STPG2: variants seen among roughly 807,000 people sequenced by gnomAD.
The protein encoded by STPG2 is sperm tail PG-rich repeat containing 2, also known as sperm-tail PG-rich repeat-containing protein 2.
Under a neutral mutation model 54.2 loss-of-function variants are expected in STPG2, and 56 were observed. The observed-to-expected ratio is 1.03, with a 90% CI of 0.83 to 1.29. The LOEUF (loss-of-function observed/expected upper bound fraction) is 1.29. STPG2 is among the 50% of genes most tolerant of loss of function. The probability of loss-of-function intolerance (pLI) is 0.00; values close to 1 mark genes in which losing one functional copy is unlikely to be tolerated. For missense variants in STPG2, 596 were observed against 544.9 expected (o/e 1.09, Z -0.93); for synonymous variants, 200 against 181.8 (o/e 1.10, Z -0.81).
chr4:98,100,952 A>G (rs968203256), intron 5 of STPG2, among the ~76,000 whole-genome samples: 6 of 152,250 alleles, frequency 3.9e-5, no homozygotes, highest in African/African-American at 1.4e-4. Context: ...CTGGGATTAC[A>G]GTCGTGAGCC....
chr4:97,842,389 C>T (rs756704910), intron 8 of STPG2, among the ~76,000 whole-genome samples: 3 of 151,810 alleles, frequency 2.0e-5, no homozygotes, highest in Non-Finnish European at 4.4e-5. Context: ...TTTGGGGCTG[C>T]CTCTATGGTA....
At chr4:98,056,310 C>T (rs1737483945) in intron 5 of STPG2, among the ~76,000 whole-genome samples, 1 of 152,146 alleles carries the variant, frequency 6.6e-6, no homozygotes, top group South Asian at 2.1e-4. Flanking sequence ...AACACCACCT[C>T]CAGTGCAACA....
chr4:97,708,169 C>T (rs963679911), intron 10 of STPG2, among the ~76,000 whole-genome samples: 6 of 151,742 alleles, frequency 4.0e-5, no homozygotes, highest in Non-Finnish European at 7.4e-5. Flanking sequence ...GTGAAAGGGA[C>T]AAAAACACAA....
At chr4:97,884,513 G>A (rs190502981) in intron 8 of STPG2, among the ~76,000 whole-genome samples, 2 of 152,250 alleles carry the variant, frequency 1.3e-5, no homozygotes, top group East Asian at 3.9e-4. Context: ...CAAGAAGAGA[G>A]GTCTTAGAAG....
In STPG2 at chr4:97,622,089, G is replaced by A. The variant is rs537093881; in HGVS notation, c.1321-62972C>T. On this transcript the variant is annotated intron_variant, in intron 10 of 10. Transcript: ENST00000295268. The stretch of plus-strand genomic sequence containing the variant: ...ATAGAATTCAATATCGCTTCATATC[G>A]AACATCTCAACAAATTAGGCACTGA... 5.9e-5 allele frequency among the ~76,000 whole-genome samples: 9 copies of A among 151,996 alleles called. No individual in the cohort carries two copies. In the South Asian group the frequency reaches 1.5e-3, roughly 25 times the overall value.
intron 4 of STPG2, among the ~76,000 whole-genome samples, chr4:97,509,975 G>A (rs1730938389): frequency 6.6e-6 from 1 of 151,988 alleles, no homozygotes. Context: ...CCTAATCCGT[G>A]GAAAAATTGT....
chr4:97,778,288 T>C (rs1178834987), intron 9 of STPG2, among the ~76,000 whole-genome samples: 1 of 151,738 alleles, frequency 6.6e-6, no homozygotes, highest in African/African-American at 2.4e-5. Context: ...GCTCGGAGGG[T>C]CCCATGCCTG....
intron 7 of STPG2, among the ~76,000 whole-genome samples, chr4:97,947,809 T>C (rs891166608): frequency 2.4e-4 from 36 of 152,262 alleles, no homozygotes; most frequent in African/African-American, 8.4e-4. Flanking sequence ...AGCTATCTAG[T>C]ATTTTGTTGA....
chr4:97,727,468 C>CA (rs1373865264), intron 9 of STPG2, among the ~76,000 whole-genome samples: 3 of 151,782 alleles, frequency 2.0e-5, no homozygotes, highest in East Asian at 1.9e-4. Context: ...CAGCCATACA[C>CA]AAAAAACAGA....
chr4:97,473,444 T>C (rs1484997451), intron 4 of STPG2, among the ~76,000 whole-genome samples: 1 of 152,128 alleles, frequency 6.6e-6, no homozygotes, highest in African/African-American at 2.4e-5. Context: ...CAGTCTCCCA[T>C]AGCGCTCCCA....
chr4:97,818,528 C>T (rs1727986193), intron 9 of STPG2, among the ~76,000 whole-genome samples: 3 of 151,616 alleles, frequency 2.0e-5, no homozygotes. Flanking sequence ...GTAACTGAGG[C>T]CATAGAAAGT....
intron 5 of STPG2, among the ~76,000 whole-genome samples, chr4:98,076,262 C>CAA (rs1738164925): frequency 6.6e-6 from 1 of 150,534 alleles, no homozygotes; most frequent in Non-Finnish European, 1.5e-5. Context: ...AAAAAAGAAG[C>CAA]AGCAAATGAG....
intron 5 of STPG2, among the ~76,000 whole-genome samples, chr4:98,042,753 C>A (rs912105172): frequency 6.6e-6 from 1 of 151,996 alleles, no homozygotes; most frequent in South Asian, 2.1e-4. Flanking sequence ...GTTCCATGTG[C>A]TGATGAGAAA....
chr4:97,837,713 C>A (rs1194984027), intron 9 of STPG2, among the ~76,000 whole-genome samples: 1 of 151,444 alleles, frequency 6.6e-6, no homozygotes, highest in Non-Finnish European at 1.5e-5. Flanking sequence ...TGAGTTTTAT[C>A]CCTCTTAAGT....
chr4:98,086,664 C>T (rs1015429278), intron 5 of STPG2, among the ~76,000 whole-genome samples: 2 of 38,290 alleles, frequency 5.2e-5, no homozygotes, highest in African/African-American at 2.7e-4. Context: ...AGATGCATGC[C>T]AGAAAAAAAA....
chr4:97,493,082 C>T (rs1051277853), intron 4 of STPG2, among the ~76,000 whole-genome samples: 1 of 150,666 alleles, frequency 6.6e-6, no homozygotes, highest in Non-Finnish European at 1.5e-5. Context: ...CTGACTCATC[C>T]TATAATATGT....
intron 10 of STPG2, among the ~76,000 whole-genome samples, chr4:97,566,180 T>A (rs1404361153): frequency 6.6e-6 from 1 of 152,172 alleles, no homozygotes; most frequent in East Asian, 1.9e-4. Flanking sequence ...CCTTGCAGTT[T>A]GATCTCAGAC....
At chr4:97,733,563 CT>C (rs1335325185) in intron 9 of STPG2, among the ~76,000 whole-genome samples, 2 of 151,834 alleles carry the variant, frequency 1.3e-5, no homozygotes, top group Non-Finnish European at 2.9e-5. Context: ...AAAAAAAACA[CT>C]TGTACCCCAA....
intron 8 of STPG2, among the ~76,000 whole-genome samples, chr4:97,853,493 T>A (rs919296471): frequency 1.3e-5 from 2 of 152,098 alleles, no homozygotes; most frequent in East Asian, 3.9e-4. Flanking sequence ...CATGTCAAAT[T>A]CAATAGCACA....
Sources: gnomAD v4.1 joint callset for allele counts (sites outside exome capture counted in the v4.1 genomes callset) on GRCh38, gnomAD v4.1.1 for gene constraint, MANE v1.5 for transcripts, NCBI Gene and HGNC (gene_info 2026-07-23, HGNC 2026-07-21) for gene names.